SORCS2: variants seen among roughly 807,000 people sequenced by gnomAD.
SORCS2 encodes VPS10 domain-containing receptor SorCS2.
SORCS2 carries 100 observed loss-of-function variants against 141.6 expected under a neutral mutation model. The ratio of observed to expected loss-of-function variants is 0.71; its 90% confidence interval spans 0.60 to 0.83. The LOEUF (loss-of-function observed/expected upper bound fraction) is 0.83. Among genes scored for constraint, SORCS2 ranks in the 40% least tolerant of loss-of-function variants. SORCS2 has a pLI of 0.00. For missense variants in SORCS2, 1,646 were observed against 1,560.2 expected (o/e 1.05, Z -0.93); for synonymous variants, 789 against 676.9 (o/e 1.17, Z -2.57).
At chr4:7,423,147 G>A (rs776408595) in intron 2 of SORCS2, among the ~76,000 whole-genome samples, 4 of 152,176 alleles carry the variant, frequency 2.6e-5, no homozygotes, top group Admixed American at 6.5e-5. Flanking sequence ...GCTAGGGGAA[G>A]GTGCCCTCCC....
intron 26 of SORCS2, among the ~76,000 whole-genome samples, chr4:7,738,759 G>A (rs1440586153): frequency 1.3e-5 from 2 of 152,118 alleles, no homozygotes; most frequent in African/African-American, 4.8e-5. Context: ...GGCTCAAAAA[G>A]GAGAAGTCGC....
chr4:7,737,737 G>A (rs747975867), intron 26 of SORCS2, among the ~76,000 whole-genome samples: 6 of 152,240 alleles, frequency 3.9e-5, no homozygotes, highest in East Asian at 3.9e-4. Flanking sequence ...CCTCAGCGGC[G>A]TAGCATCGTT....
At chr4:7,215,149 C>CG (rs1422445878) in intron 1 of SORCS2, among the ~76,000 whole-genome samples, 1 of 152,008 alleles carries the variant, frequency 6.6e-6, no homozygotes, top group African/African-American at 2.4e-5. Context: ...GAGCGGGAAC[C>CG]GGGGCTGTGT....
At chr4:7,510,415 G>A (rs1732550188) in intron 2 of SORCS2, among the ~76,000 whole-genome samples, 1 of 152,252 alleles carries the variant, frequency 6.6e-6, no homozygotes, top group Non-Finnish European at 1.5e-5. Context: ...CGTCAGGGAA[G>A]GGCACTCCTC....
At position 7,664,985 on chromosome 4, in the gene SORCS2, C is replaced by T. The variant is rs760552194; in HGVS notation, c.1071+514C>T. On this transcript the variant is annotated intron_variant, in intron 7 of 26. Coordinates refer to ENST00000507866, the MANE Select transcript of SORCS2 (RefSeq NM_020777.3). This position sits in a 1 kb window ranked among gnomAD's most constrained non-coding sequence, Gnocchi z 4.7. ...TCTTCACCTTCATGGATGGGGAGCT[C>T]AGCCCTCCCGAAACAGCCTAGCCCT... Among the ~76,000 whole-genome samples, 5 of 152,202 alleles carry T rather than the reference C, an allele frequency of 3.3e-5. No individual in the cohort carries two copies. Among genetic ancestry groups the T allele is most frequent in the African/African-American group, 4.8e-5 (2 of 41,454 alleles).
At chr4:7,599,580 C>G (rs898043084) in intron 3 of SORCS2, among the ~76,000 whole-genome samples, 1 of 152,188 alleles carries the variant, frequency 6.6e-6, no homozygotes, top group Non-Finnish European at 1.5e-5. Context: ...TGACGTCTGT[C>G]CCTGCTTCCC....
At chr4:7,479,152 G>A (rs116286985) in intron 2 of SORCS2, among the ~76,000 whole-genome samples, 2,077 of 151,874 alleles carry the variant, frequency 0.014, 43 homozygotes, top group African/African-American at 0.048. Context: ...GGAGCCAAAC[G>A]CCAGCAGCCA....
At chr4:7,322,880 C>T (rs909799045) in intron 1 of SORCS2, among the ~76,000 whole-genome samples, 4 of 152,194 alleles carry the variant, frequency 2.6e-5, no homozygotes, top group African/African-American at 9.7e-5. Flanking sequence ...GGCTCCTCAG[C>T]CCCTGCCTGC....
At chr4:7,319,159 G>A (rs575484389) in intron 1 of SORCS2, among the ~76,000 whole-genome samples, 91 of 147,258 alleles carry the variant, frequency 6.2e-4, no homozygotes, top group Middle Eastern at 6.8e-3. Context: ...CCAGTTTTTG[G>A]TGATTATAAA....
At chr4:7,717,915 C>T in intron 17 of SORCS2, 97 bp from the exon 18 acceptor site, 1 of 1,351,670 alleles carries the variant, frequency 7.4e-7, no homozygotes, top group South Asian at 1.6e-5. Context: ...AAGCCAAGTG[C>T]CACCTCTGGG....
At chr4:7,541,988 C>T (rs1319133830) in intron 3 of SORCS2, among the ~76,000 whole-genome samples, 2 of 152,214 alleles carry the variant, frequency 1.3e-5, no homozygotes, top group Non-Finnish European at 2.9e-5. Flanking sequence ...GGACCCCCTG[C>T]CAGCTCCCCA....
chr4:7,208,204 G>A (rs1727857318), intron 1 of SORCS2, among the ~76,000 whole-genome samples: 1 of 152,084 alleles, frequency 6.6e-6, no homozygotes, highest in Non-Finnish European at 1.5e-5. Flanking sequence ...GAAGGGGCTT[G>A]GTGCTGGCCA....
intron 1 of SORCS2, among the ~76,000 whole-genome samples, chr4:7,227,000 G>A (rs1263434299): frequency 1.3e-5 from 2 of 152,212 alleles, no homozygotes; most frequent in Non-Finnish European, 2.9e-5. Context: ...GGTAGCAGCT[G>A]TGACCAGCAC....
chr4:7,526,683 C>A (rs964229156), intron 2 of SORCS2, among the ~76,000 whole-genome samples: 1 of 152,152 alleles, frequency 6.6e-6, no homozygotes, highest in Non-Finnish European at 1.5e-5. Context: ...GGTAATGTCG[C>A]GTCAGGGCGG....
At chr4:7,305,787 G>T (rs764984470) in intron 1 of SORCS2, among the ~76,000 whole-genome samples, 3 of 152,312 alleles carry the variant, frequency 2.0e-5, no homozygotes, top group Middle Eastern at 3.4e-3. Context: ...GTGTCCCTGG[G>T]CTGGGCCCGG....
At chr4:7,279,702 G>A (rs1191354253) in intron 1 of SORCS2, among the ~76,000 whole-genome samples, 2 of 152,222 alleles carry the variant, frequency 1.3e-5, no homozygotes, top group African/African-American at 4.8e-5. Context: ...AGGGAGGTAC[G>A]TGGGAAGGAG....
intron 2 of SORCS2, among the ~76,000 whole-genome samples, chr4:7,414,480 A>G (rs115806496): frequency 0.019 from 2,961 of 152,260 alleles, 97 homozygotes; most frequent in African/African-American, 0.068. Context: ...TTAAGGAAAC[A>G]CCACACTTTG....
At chr4:7,712,236 G>A (rs906948564) in intron 14 of SORCS2, among the ~76,000 whole-genome samples, 1 of 152,236 alleles carries the variant, frequency 6.6e-6, no homozygotes, top group Non-Finnish European at 1.5e-5. Flanking sequence ...GGGAGCAAAT[G>A]CCCTGTGGCC....
intron 1 of SORCS2, among the ~76,000 whole-genome samples, chr4:7,330,987 T>G (rs10022983): frequency 6.6e-6 from 1 of 151,754 alleles, no homozygotes; most frequent in Non-Finnish European, 1.5e-5. Context: ...GGAATGTGGG[T>G]GCTGAGGCTG....
Sources: gnomAD v4.1 joint callset for allele counts (sites outside exome capture counted in the v4.1 genomes callset) on GRCh38, gnomAD v4.1.1 for gene constraint, Gnocchi (gnomAD v3.1) non-coding constraint, MANE v1.5 for transcripts, NCBI Gene and HGNC (gene_info 2026-07-23, HGNC 2026-07-21) for gene names.